The following MYO1C variants were observed in gnomAD, a reference collection of about 807,000 sequenced individuals.
MYO1C encodes the protein myosin IC, also known as unconventional myosin-Ic.
A neutral mutation model predicts 150.8 loss-of-function variants in MYO1C; 104 were observed. That is an observed-to-expected ratio of 0.69 (90% CI 0.59 to 0.81). The LOEUF is 0.81. MYO1C is among the 30% of genes least tolerant of loss of function. The pLI is 0.00. For synonymous variants in MYO1C, 663 were observed against 579.9 expected, an observed-to-expected ratio of 1.14 and a Z score of -2.06; for missense variants, 1,504 against 1,435.0, an observed-to-expected ratio of 1.05 and a Z score of -0.78.
In MYO1C at chr17:1,470,438, C is replaced by T. The variant is rs1350286725; in HGVS notation, c.2363G>A (p.Arg788Gln). The change falls in exon 23 of 32, where the codon CGG becomes CAG. Residue 788 changes from arginine (R) to glutamine (Q), a missense_variant. Arg to Gln is a conservative substitution (Grantham distance 43). Transcript: ENST00000648651. ...AKRKWAAQTI[R>Q]RLIRGFVLRH... ...CACAAGGCACCCTGGCGCTCACCGC[C>T]GGATGGTCTGTGCCGCCCACTTCCT... 18 of 1,550,364 alleles carry T rather than the reference C, an allele frequency of 1.2e-5. No individual in the cohort carries two copies. The highest frequency in any genetic ancestry group is 2.4e-5 in the East Asian group (1 of 40,942).
chr17:1,466,120 A>G (rs943650846), intron 31 of MYO1C, among the ~76,000 whole-genome samples: 6 of 146,358 alleles, frequency 4.1e-5, no homozygotes, highest in African/African-American at 1.5e-4. Flanking sequence ...ACCCCCAATC[A>G]GCCTATGTAT....
intron 24 of MYO1C, 98 bp downstream of exon 24, chr17:1,470,077 C>A: frequency 7.6e-7 from 1 of 1,313,994 alleles, no homozygotes; most frequent in Non-Finnish European, 1.0e-6. Context: ...TCCGGGCCCT[C>A]CGTGAGCCCT....
Position 1,484,306 on chromosome 17 carries a change from G to A in MYO1C, c.76-3C>T, listed in dbSNP as rs754596216. On this transcript the variant is annotated splice_polypyrimidine_tract_variant and splice_region_variant and intron_variant, in intron 1 of 31. Coordinates refer to ENST00000648651, the MANE Select transcript of MYO1C (RefSeq NM_001080779.2). ...CGAACCCCGTCACTGCCCAGGGCCT[G>A]CAGAGAATGGGCCACAGAAGAGGGT... is the stretch of plus-strand genomic sequence containing the variant. 17 of 1,608,928 alleles carry A rather than the reference G, an allele frequency of 1.1e-5. No homozygotes were observed. In the South Asian group the frequency reaches 1.9e-4, roughly 18 times the overall value.
Position 1,478,310 on chromosome 17 carries a change from T to C in MYO1C, c.1295+100A>G. The C allele has an allele frequency of 6.4e-7, 1 of 1,552,746 alleles. No homozygotes were observed. The highest frequency in any genetic ancestry group is 8.9e-7 in the Non-Finnish European group (1 of 1,124,596). Reference sequence around the variant, plus strand: ...GAGAAACACAGAGACAGTCCCCGGCTGGCTGGGGAGTCACAGGGCAGGAAT... The same window carrying C: ...GAGAAACACAGAGACAGTCCCCGGCCGGCTGGGGAGTCACAGGGCAGGAAT... On this transcript the variant is annotated intron_variant, in intron 11 of 31. Transcript: ENST00000648651. This position sits in a 1 kb window ranked among gnomAD's most constrained non-coding sequence, Gnocchi z 6.3.
Position 1,480,946 on chromosome 17 carries a change from C to T in MYO1C, c.628-61G>A, listed in dbSNP as rs912344069. ...GGACTGGGAAAAGAGCCCACCTGCC[C>T]CTCTTCTCCCCTGCACTCCTGGGCT... On this transcript the variant is annotated intron_variant, in intron 5 of 31. Coordinates refer to ENST00000648651, the MANE Select transcript of MYO1C (RefSeq NM_001080779.2). The T allele has an allele frequency of 1.9e-6, 3 of 1,568,064 alleles. No individual in the cohort carries two copies. The South Asian group carries it at 3.3e-5, about 17-fold the overall frequency.
At position 1,483,935 on chromosome 17, in the gene MYO1C, G is replaced by T. The variant is rs371255889; in HGVS notation, c.232-210C>A. The stretch of plus-strand genomic sequence containing the variant: ...CGGGTGCCTGTAATCCCAGCTACTC[G>T]GGAGGCTGAGGCAGGAGAATCGCTT... On this transcript the variant is annotated intron_variant, in intron 2 of 31. Coordinates refer to ENST00000648651, the MANE Select transcript of MYO1C (RefSeq NM_001080779.2). 3.1e-3 allele frequency among the ~76,000 whole-genome samples: 470 copies of T among 152,062 alleles called. 2 individuals carry two copies. Among genetic ancestry groups the T allele is most frequent in the African/African-American group, 0.011 (442 of 41,484 alleles).
At position 1,477,900 on chromosome 17, in the gene MYO1C, G is replaced by A; in HGVS notation, c.1473C>T (p.Ile491=). The A allele has an allele frequency of 6.2e-7, 1 of 1,614,106 alleles. No homozygotes were observed. The highest frequency in any genetic ancestry group is 8.5e-7 in the Non-Finnish European group (1 of 1,179,972). Residue 491 remains isoleucine (I), a synonymous_variant, in exon 13 of 32, where the codon ATC becomes ATT. Coordinates refer to ENST00000648651, the MANE Select transcript of MYO1C (RefSeq NM_001080779.2). The stretch of plus-strand genomic sequence containing the variant: ...GGCGCAGAGGACTCACCAAAATCGA[G>A]ATGATGCCCTTAAACTTCTCCTCCA... ...DLVEEKFKGI[I]SILDEECLRP...
At chr17:1,481,104 C>T in intron 5 of MYO1C, 2 of 581,944 alleles carry the variant, frequency 3.4e-6, no homozygotes, top group South Asian at 4.0e-5. Flanking sequence ...GGCTGCTCCA[C>T]CTGGATGCCT....
chr17:1,482,636 C>T (rs1485340122), intron 4 of MYO1C, 78 bp from the exon 5 acceptor site: 6 of 936,256 alleles, frequency 6.4e-6, no homozygotes, highest in Non-Finnish European at 9.0e-6. Context: ...GCTACTGCTG[C>T]CCCTCCCCTC....
chr17:1,471,733 C>T (rs1346209820), intron 19 of MYO1C, among the ~76,000 whole-genome samples, 174 bp downstream of exon 19: 1 of 151,938 alleles, frequency 6.6e-6, no homozygotes, highest in Non-Finnish European at 1.5e-5. Context: ...GGTATTCTTT[C>T]CACCCAGCCT....
Position 1,472,014 on chromosome 17 carries a change from G to T in MYO1C, c.1914C>A (p.Asp638Glu). The part of the protein sequence containing the change: ...PNDAKQPGRF[D>E]EVLIRHQVKY... ...TCACCTGGTGGCGGATCAGCACCTC[G>T]TCAAAGCGGCCTGGGGTAGGGGGAG... Residue 638 changes from aspartate (D) to glutamate (E), a missense_variant, in exon 19 of 32, where the codon GAC becomes GAA. Coordinates refer to ENST00000648651, the MANE Select transcript of MYO1C (RefSeq NM_001080779.2). 6.2e-7 allele frequency: 1 copy of T among 1,614,022 alleles called. No homozygotes were observed. Among genetic ancestry groups the T allele is most frequent in the East Asian group, 2.2e-5 (1 of 44,880 alleles).
At chr17:1,470,066 G>C (rs1254130153) in intron 24 of MYO1C, 109 bp downstream of exon 24, 1 of 1,177,746 alleles carries the variant, frequency 8.5e-7, no homozygotes, top group Non-Finnish European at 1.2e-6. Flanking sequence ...CTCAGCTCTG[G>C]TCCGGGCCCT....
In MYO1C at chr17:1,471,924, G is replaced by A. The variant is rs78672478; in HGVS notation, c.2004C>T (p.Tyr668=). Residue 668 remains tyrosine, a synonymous_variant, in exon 19 of 32, where the codon TAC becomes TAT. Coordinates refer to ENST00000648651, the MANE Select transcript of MYO1C (RefSeq NM_001080779.2). The stretch of plus-strand genomic sequence containing the variant: ...GCCCCCACCTTTGCAGGAAAGCTTC[G>A]TATTTGCGGCGATAGGCAAAGCCGG... ...RRAGFAYRRK[Y]EAFLQRYKSL... 3.5e-3 allele frequency: 5,638 copies of A among 1,614,114 alleles called. 19 individuals carry two copies. The highest frequency in any genetic ancestry group is 4.1e-3 in the Non-Finnish European group (4,820 of 1,180,018).
At position 1,477,921 on chromosome 17, in the gene MYO1C, C is replaced by T. The variant is rs142106386; in HGVS notation, c.1452G>A (p.Glu484=). Residue 484 remains glutamate (E), a synonymous_variant, in exon 13 of 32, where the codon GAG becomes GAA. Coordinates refer to ENST00000648651, the MANE Select transcript of MYO1C (RefSeq NM_001080779.2). The part of the protein sequence containing the change: ...FNNKIICDLV[E]EKFKGIISIL... Reference sequence around the variant, plus strand: ...TCGAGATGATGCCCTTAAACTTCTCCTCCACCAGATCACAGATGATTTTGT... The same window carrying T: ...TCGAGATGATGCCCTTAAACTTCTCTTCCACCAGATCACAGATGATTTTGT... The T allele has an allele frequency of 4.3e-6, 7 of 1,614,194 alleles. No homozygotes were observed. Among genetic ancestry groups the T allele is most frequent in the South Asian group, 2.2e-5 (2 of 91,082 alleles).
intron 25 of MYO1C, chr17:1,469,119 G>T: frequency 3.0e-6 from 1 of 328,416 alleles, no homozygotes; most frequent in Non-Finnish European, 6.0e-6. Flanking sequence ...CGGTAGACTA[G>T]GGTAAATAGA....
rs11656203 is a variant in MYO1C, at chr17:1,469,342, G to A, written c.2610+189C>T. On this transcript the variant is annotated intron_variant, in intron 25 of 31. Coordinates refer to ENST00000648651, the MANE Select transcript of MYO1C (RefSeq NM_001080779.2). ...GTAGACCGAGATAAATACGGTAGGCGGGGTAAATACGGTAGACTGGGGTAA... is the reference window on the plus strand; with the variant it reads ...GTAGACCGAGATAAATACGGTAGGCAGGGTAAATACGGTAGACTGGGGTAA... 0.37 allele frequency: 227,608 copies of A among 619,536 alleles called. 43,093 individuals are homozygous for A. Among genetic ancestry groups the A allele is most frequent in the South Asian group, 0.4 (22,749 of 56,786 alleles). The allele number at this position is 619,536 out of a possible 1,614,324, so 38.4% of individuals were successfully genotyped here.
In MYO1C at chr17:1,479,554, CCGCCGT is replaced by C; in HGVS notation, c.1020+32_1020+37del. 1 of 1,418,718 alleles carries C rather than the reference CCGCCGT, an allele frequency of 7.0e-7. No homozygotes were observed. Among genetic ancestry groups the C allele is most frequent in the Non-Finnish European group, 9.8e-7 (1 of 1,017,602 alleles). 87.9% of individuals were successfully genotyped at this position (1,418,718 alleles called of 1,614,324 possible). A position where few individuals can be genotyped will look rare whatever the true frequency, so the allele number is the denominator to read the frequency against. ...GAGGGTGCACCCCCAGCCCCCGCCC[CCGCCGT>C]CCTCCCGTCGCCCTCTGCCCGCCCC... On this transcript the variant is annotated intron_variant, in intron 8 of 31. Coordinates refer to ENST00000648651, the MANE Select transcript of MYO1C (RefSeq NM_001080779.2). This position sits in a 1 kb window ranked among gnomAD's most constrained non-coding sequence, Gnocchi z 4.2.
chr17:1,468,207 C>A, intron 27 of MYO1C, 46 bp downstream of exon 27: 1 of 1,611,818 alleles, frequency 6.2e-7, no homozygotes, highest in Non-Finnish European at 8.5e-7. Flanking sequence ...AGCTCTCAGG[C>A]AGTAGCACCG....
In MYO1C at chr17:1,478,395, A is replaced by G; in HGVS notation, c.1295+15T>C. 6.2e-7 allele frequency: 1 copy of G among 1,614,048 alleles called. No individual in the cohort carries two copies. Among genetic ancestry groups the G allele is most frequent in the South Asian group, 1.1e-5 (1 of 91,078 alleles). The stretch of plus-strand genomic sequence containing the variant: ...AGGAGACCGGGAGGAGAGACGGGGG[A>G]AAGATGGCACCGACCTGTTATGCTG... On this transcript the variant is annotated intron_variant, in intron 11 of 31. Coordinates refer to ENST00000648651, the MANE Select transcript of MYO1C (RefSeq NM_001080779.2). The surrounding 1 kb of genome is among the most constrained non-coding windows in gnomAD (Gnocchi z 6.3).
Sources: gnomAD v4.1 joint callset for allele counts (sites outside exome capture counted in the v4.1 genomes callset) on GRCh38, gnomAD v4.1.1 for gene constraint, Gnocchi (gnomAD v3.1) non-coding constraint, MANE v1.5 for transcripts, NCBI Gene and HGNC (gene_info 2026-07-23, HGNC 2026-07-21) for gene names.